PRKG1: variants seen among roughly 807,000 people sequenced by gnomAD.
PRKG1 encodes cGMP-dependent protein kinase 1.
Under a neutral mutation model 88.1 loss-of-function variants are expected in PRKG1, and 35 were observed. The ratio of observed to expected loss-of-function variants is 0.40; its 90% confidence interval spans 0.30 to 0.53. PRKG1 has a LOEUF of 0.53. Among genes scored for constraint, PRKG1 ranks in the 20% least tolerant of loss-of-function variants. The probability of loss-of-function intolerance (pLI) is 0.59; values close to 1 mark genes in which losing one functional copy is unlikely to be tolerated. For synonymous variants in PRKG1, 303 were observed against 292.5 expected (o/e 1.04, Z -0.37); for missense variants, 540 against 839.8 (o/e 0.64, Z 4.41).
chr10:51,090,958 G>C (rs1184319869), intron 1 of PRKG1, among the ~76,000 whole-genome samples: 1 of 152,176 alleles, frequency 6.6e-6, no homozygotes, highest in African/African-American at 2.4e-5. Flanking sequence ...ATCAGACGTA[G>C]AACATAATCT....
chr10:51,461,382 A>G (rs770228928), intron 2 of PRKG1, among the ~76,000 whole-genome samples: 1 of 152,208 alleles, frequency 6.6e-6, no homozygotes, highest in Non-Finnish European at 1.5e-5. Flanking sequence ...TTCTAACAAC[A>G]TGATGGTCTT....
At chr10:51,805,268 T>A (rs1472578940) in intron 4 of PRKG1, among the ~76,000 whole-genome samples, 1 of 152,030 alleles carries the variant, frequency 6.6e-6, no homozygotes, top group Non-Finnish European at 1.5e-5. Flanking sequence ...TTCTTTCGTT[T>A]ATATTATATA....
chr10:52,006,130 A>C (rs1042610846), intron 5 of PRKG1, among the ~76,000 whole-genome samples: 2 of 152,216 alleles, frequency 1.3e-5, no homozygotes, highest in Non-Finnish European at 2.9e-5. Flanking sequence ...AAAAGACAGC[A>C]ACTTCAAAGA....
intron 3 of PRKG1, among the ~76,000 whole-genome samples, chr10:51,566,572 T>C (rs1157183271): frequency 6.6e-6 from 1 of 152,048 alleles, no homozygotes; most frequent in African/African-American, 2.4e-5. Context: ...GTGAAAAGAA[T>C]GTAATGGGGT....
At chr10:51,905,607 T>C (rs1488291617) in intron 4 of PRKG1, among the ~76,000 whole-genome samples, 1 of 152,226 alleles carries the variant, frequency 6.6e-6, no homozygotes, top group East Asian at 1.9e-4. Context: ...CTTTTGTTTT[T>C]TTTTATTTAA....
rs560231451 is a variant in PRKG1 at position 51,706,487 on chromosome 10, C to G, written c.593-98098C>G. Among the ~76,000 whole-genome samples the G allele has an allele frequency of 7.2e-5, 11 of 151,982 alleles. No individual in the cohort carries two copies. The South Asian group carries it at 2.1e-3, about 29-fold the overall frequency. ...AGGTTGAACAGAACCAAATGTTCTC[C>G]CTGGAAGGGATTGCGAAGTCCAGCC... On this transcript the variant is annotated intron_variant, in intron 3 of 17. Coordinates refer to ENST00000373980, the MANE Select transcript of PRKG1 (RefSeq NM_006258.4).
At chr10:52,198,750 C>T (rs186850559) in intron 9 of PRKG1, among the ~76,000 whole-genome samples, 9 of 151,912 alleles carry the variant, frequency 5.9e-5, no homozygotes, top group South Asian at 2.1e-4. Flanking sequence ...ACTGGCATTC[C>T]GTGGTTTGTG....
intron 9 of PRKG1, among the ~76,000 whole-genome samples, chr10:52,217,531 CATAG>C (rs1249058012): frequency 1.3e-5 from 2 of 152,032 alleles, no homozygotes; most frequent in African/African-American, 4.8e-5. Flanking sequence ...TCAAATGGTA[CATAG>C]AGAGATTTAG....
chr10:51,374,827 G>C (rs576040237), intron 2 of PRKG1, among the ~76,000 whole-genome samples: 1 of 152,284 alleles, frequency 6.6e-6, no homozygotes, highest in South Asian at 2.1e-4. Flanking sequence ...CTGCTTCTAA[G>C]CTCACGTGAG....
chr10:51,562,223 CAA>C (rs35433028), intron 3 of PRKG1, among the ~76,000 whole-genome samples: 93 of 146,178 alleles, frequency 6.4e-4, no homozygotes, highest in East Asian at 8.1e-4. Flanking sequence ...GACTCCATCT[CAA>C]AAAAAAAAAA....
At chr10:51,736,360 C>T (rs1434980044) in intron 3 of PRKG1, among the ~76,000 whole-genome samples, 3 of 152,158 alleles carry the variant, frequency 2.0e-5, no homozygotes, top group Non-Finnish European at 4.4e-5. Flanking sequence ...AAACAATCCT[C>T]CCACTTCAGC....
chr10:52,213,653 C>T (rs1042196066), intron 9 of PRKG1, among the ~76,000 whole-genome samples: 3 of 152,108 alleles, frequency 2.0e-5, no homozygotes, highest in Admixed American at 6.6e-5. Context: ...TAGAGCCATC[C>T]GGCTTCCAGG....
chr10:52,250,767 A>T (rs2132399136), intron 9 of PRKG1, among the ~76,000 whole-genome samples: 1 of 152,284 alleles, frequency 6.6e-6, no homozygotes, highest in South Asian at 2.1e-4. Flanking sequence ...TAAGCAGCTC[A>T]TATTCACTTG....
chr10:51,067,231 C>T (rs968418346), intron 1 of PRKG1, among the ~76,000 whole-genome samples: 2 of 148,472 alleles, frequency 1.3e-5, no homozygotes, highest in African/African-American at 2.5e-5. Flanking sequence ...TGCTGTCGCT[C>T]CTTTAATTAT....
At chr10:51,373,137 T>C (rs974937817) in intron 2 of PRKG1, among the ~76,000 whole-genome samples, 4 of 152,170 alleles carry the variant, frequency 2.6e-5, no homozygotes, top group Non-Finnish European at 4.4e-5. Context: ...TATAGCATAG[T>C]GGTTTAAAAT....
intron 3 of PRKG1, among the ~76,000 whole-genome samples, chr10:51,707,716 T>A (rs1388147464): frequency 1.3e-5 from 2 of 152,176 alleles, no homozygotes; most frequent in African/African-American, 4.8e-5. Flanking sequence ...AGAATGTGCC[T>A]ATATTTGTAC....
intron 1 of PRKG1, among the ~76,000 whole-genome samples, chr10:51,106,873 G>GATGT (rs2131890308): frequency 6.6e-6 from 1 of 152,288 alleles, no homozygotes; most frequent in African/African-American, 2.4e-5. Flanking sequence ...CAACAAGCAT[G>GATGT]ATGTCAGGGA....
intron 7 of PRKG1, among the ~76,000 whole-genome samples, chr10:52,086,670 A>G (rs1311615168): frequency 2.0e-5 from 3 of 151,896 alleles, no homozygotes; most frequent in Admixed American, 6.6e-5. Context: ...CTTGATTTTC[A>G]TTTTTATAGC....
intron 2 of PRKG1, among the ~76,000 whole-genome samples, chr10:51,181,265 C>G (rs1419823944): frequency 9.3e-6 from 1 of 108,048 alleles, no homozygotes; most frequent in African/African-American, 3.6e-5. Context: ...GACGGAGTCT[C>G]GCTCTGTCGC....
Sources: gnomAD v4.1 joint callset for allele counts (sites outside exome capture counted in the v4.1 genomes callset) on GRCh38, gnomAD v4.1.1 for gene constraint, MANE v1.5 for transcripts, NCBI Gene and HGNC (gene_info 2026-07-23, HGNC 2026-07-21) for gene names.